MEI4: variants seen among roughly 807,000 people sequenced by gnomAD.
MEI4 encodes the protein meiosis-specific protein MEI4.
MEI4 carries 27 observed loss-of-function variants against 31.4 expected under a neutral mutation model. The observed-to-expected ratio is 0.86, with a 90% CI of 0.63 to 1.19. MEI4 has a LOEUF of 1.19. Ranked by LOEUF, MEI4 falls within the 50% of genes most tolerant of loss-of-function variation. The pLI is 0.00. For missense variants in MEI4, 329 were observed against 398.9 expected, an observed-to-expected ratio of 0.82 and a Z score of 1.49; for synonymous variants, 122 against 145.4, an observed-to-expected ratio of 0.84 and a Z score of 1.16.
At chr6:77,675,079 A>T (rs1229762234) in intron 1 of MEI4, among the ~76,000 whole-genome samples, 1 of 96,018 alleles carries the variant, frequency 1.0e-5, no homozygotes, top group South Asian at 2.9e-4. Context: ...CAGTTACGTA[A>T]TTTATCATTT....
chr6:77,789,975 A>C, intron 3 of MEI4, among the ~76,000 whole-genome samples: 1 of 152,094 alleles, frequency 6.6e-6, no homozygotes, highest in Non-Finnish European at 1.5e-5. Context: ...TTGCGGCACT[A>C]TTCACAATAG....
At chr6:77,708,177 G>C (rs976276860) in intron 2 of MEI4, among the ~76,000 whole-genome samples, 5 of 152,218 alleles carry the variant, frequency 3.3e-5, no homozygotes, top group African/African-American at 1.2e-4. Flanking sequence ...ACTCTAACCA[G>C]TGAGAGCAGT....
At chr6:77,686,169 C>T (rs1292200576) in intron 1 of MEI4, among the ~76,000 whole-genome samples, 1 of 152,158 alleles carries the variant, frequency 6.6e-6, no homozygotes, top group Admixed American at 6.6e-5. Context: ...TGGCACCGTG[C>T]CTCTCTACAA....
chr6:77,709,925 C>T (rs757553016), intron 2 of MEI4, among the ~76,000 whole-genome samples: 6 of 152,008 alleles, frequency 3.9e-5, no homozygotes, highest in African/African-American at 7.3e-5. Flanking sequence ...ATTTGTCTTC[C>T]GAGCAGAAAT....
chr6:77,911,928 C>A (rs1562035767), intron 4 of MEI4, among the ~76,000 whole-genome samples: 2 of 151,638 alleles, frequency 1.3e-5, no homozygotes, highest in Non-Finnish European at 2.9e-5. Context: ...GAAGTGTTTT[C>A]TCTGCTTTCT....
At chr6:77,813,186 T>C (rs1769614073) in intron 3 of MEI4, among the ~76,000 whole-genome samples, 1 of 152,136 alleles carries the variant, frequency 6.6e-6, no homozygotes, top group East Asian at 1.9e-4. Context: ...ATTTGTGTCA[T>C]TATTGCTTAA....
rs1410483691 is a variant in MEI4 at position 77,847,540 on chromosome 6, C to T, written c.900+18478C>T. Among the ~76,000 whole-genome samples the T allele has an allele frequency of 6.6e-6, 1 of 152,124 alleles. No homozygotes were observed. The highest frequency in any genetic ancestry group is 1.5e-5 in the Non-Finnish European group (1 of 68,010). On this transcript the variant is annotated intron_variant, in intron 4 of 4. Transcript: ENST00000684080. This position sits in a 1 kb window ranked among gnomAD's most constrained non-coding sequence, Gnocchi z 4.6. ...ATATACCTTTACTGATTGTTTTTCT[C>T]TTGTTTCCTGTGGCAAGTAAAATAT...
chr6:77,796,143 A>C (rs528735536), intron 3 of MEI4, among the ~76,000 whole-genome samples: 1 of 152,332 alleles, frequency 6.6e-6, no homozygotes, highest in South Asian at 2.1e-4. Context: ...ATGATTGATC[A>C]CACACAAAAC....
intron 1 of MEI4, among the ~76,000 whole-genome samples, chr6:77,666,797 G>T (rs1768642749): frequency 6.6e-6 from 1 of 152,008 alleles, no homozygotes; most frequent in African/African-American, 2.4e-5. Flanking sequence ...GAAGTCTTTA[G>T]AAAGAAAACA....
intron 3 of MEI4, among the ~76,000 whole-genome samples, chr6:77,765,139 T>C (rs1034888904): frequency 1.3e-5 from 2 of 152,192 alleles, no homozygotes; most frequent in Non-Finnish European, 2.9e-5. Flanking sequence ...ATCTGTAAAA[T>C]GTAGGTAATA....
chr6:77,773,802 C>T (rs1264362903), intron 3 of MEI4, among the ~76,000 whole-genome samples: 1 of 151,948 alleles, frequency 6.6e-6, no homozygotes, highest in African/African-American at 2.4e-5. Context: ...ATATCAGCAG[C>T]TCAAATAACT....
intron 3 of MEI4, among the ~76,000 whole-genome samples, chr6:77,790,171 C>A (rs1182344139): frequency 2.0e-5 from 3 of 148,154 alleles, no homozygotes; most frequent in Non-Finnish European, 4.4e-5. Flanking sequence ...GCAAACACCG[C>A]ATGTTCTCAC....
chr6:77,731,980 G>A (rs1420161294), intron 2 of MEI4, among the ~76,000 whole-genome samples: 3 of 147,328 alleles, frequency 2.0e-5, no homozygotes, highest in East Asian at 4.2e-4. Context: ...CTGTTCCATT[G>A]ATCTATATCT....
intron 1 of MEI4, among the ~76,000 whole-genome samples, chr6:77,671,054 GTT>G (rs35429284): frequency 3.6e-5 from 4 of 110,418 alleles, no homozygotes; most frequent in Admixed American, 2.8e-4. Flanking sequence ...GTGAATTGTT[GTT>G]TTTTTTTTTT....
intron 2 of MEI4, among the ~76,000 whole-genome samples, chr6:77,739,159 C>T (rs1397068198): frequency 6.6e-6 from 1 of 152,032 alleles, no homozygotes; most frequent in Non-Finnish European, 1.5e-5. Context: ...TTTGCCCATG[C>T]CTATATCCTG....
At chr6:77,796,858 T>C (rs2127698369) in intron 3 of MEI4, among the ~76,000 whole-genome samples, 1 of 152,250 alleles carries the variant, frequency 6.6e-6, no homozygotes, top group Non-Finnish European at 1.5e-5. Context: ...CTGTGGAACC[T>C]CAAAAGACCC....
intron 2 of MEI4, among the ~76,000 whole-genome samples, chr6:77,736,853 C>T (rs745455342): frequency 9.2e-5 from 9 of 97,986 alleles, no homozygotes; most frequent in Non-Finnish European, 1.3e-4. Flanking sequence ...TCTTAGAGAA[C>T]AGGACTTTTA....
intron 4 of MEI4, among the ~76,000 whole-genome samples, chr6:77,907,376 G>C (rs1460337580): frequency 6.6e-6 from 1 of 152,126 alleles, no homozygotes; most frequent in Non-Finnish European, 1.5e-5. Context: ...CTATGAGTGA[G>C]AACATGCAGT....
intron 3 of MEI4, among the ~76,000 whole-genome samples, chr6:77,797,347 A>C (rs1447659014): frequency 6.6e-6 from 1 of 152,204 alleles, no homozygotes; most frequent in Non-Finnish European, 1.5e-5. Context: ...GACTGCATCA[A>C]CCTAAAATGT....
Sources: allele counts gnomAD v4.1 joint callset (sites outside exome capture counted in the v4.1 genomes callset), GRCh38; gene constraint gnomAD v4.1.1; non-coding constraint Gnocchi (gnomAD v3.1); transcripts MANE v1.5; gene names NCBI Gene and HGNC (gene_info 2026-07-23, HGNC 2026-07-21).